MYH15: variants seen among roughly 807,000 people sequenced by gnomAD.
MYH15 encodes the protein myosin-15.
Under a neutral mutation model 240.5 loss-of-function variants are expected in MYH15, and 227 were observed. The ratio of observed to expected loss-of-function variants is 0.94; its 90% confidence interval spans 0.85 to 1.05. The LOEUF (loss-of-function observed/expected upper bound fraction) is 1.05, where lower values mean the gene tolerates loss of function less well. Ranked by LOEUF, MYH15 falls within the 50% of genes least tolerant of loss-of-function variation. MYH15 has a pLI of 0.00. For missense variants in MYH15, 2,217 were observed against 2,247.5 expected, an observed-to-expected ratio of 0.99 and a Z score of 0.27; for synonymous variants, 785 against 796.7, an observed-to-expected ratio of 0.99 and a Z score of 0.25.
Position 108,394,082 on chromosome 3 carries a change from C to T in MYH15, c.5208G>A (p.Val1736=). The T allele has an allele frequency of 6.2e-7, 1 of 1,614,140 alleles. No individual in the cohort carries two copies. Among genetic ancestry groups the T allele is most frequent in the South Asian group, 1.1e-5 (1 of 91,082 alleles). Reference sequence around the variant, plus strand: ...CTTCTGCATTTTGACACTCCTGCACCACCTCTTCAGCTTCTTTCTGCATCC... The same window carrying T: ...CTTCTGCATTTTGACACTCCTGCACTACCTCTTCAGCTTCTTTCTGCATCC... ...VARMQKEAEE[V]VQECQNAEEK... Residue 1736 remains valine, a synonymous_variant, in exon 36 of 41, where the codon GTG becomes GTA. Coordinates refer to ENST00000693548, the MANE Select transcript of MYH15 (RefSeq NM_014981.3).
At position 108,470,709 on chromosome 3, in the gene MYH15, C is replaced by T. The variant is rs1208029402; in HGVS notation, c.1372G>A (p.Glu458Lys). The T allele has an allele frequency of 6.2e-7, 1 of 1,613,506 alleles. No individual in the cohort carries two copies. The highest frequency in any genetic ancestry group is 8.5e-7 in the Non-Finnish European group (1 of 1,179,784). ...CCAGATACACTTACCTCAAGGATTT[C>T]AAAACCAGTGATGTCAAGAATGCCA... ...FIGILDITGFEILEYNSLEQL... is the reference protein window; with the variant it reads ...FIGILDITGFKILEYNSLEQL... Residue 458 changes from glutamate (E) to lysine (K), a missense_variant, in exon 13 of 41, where the codon GAA becomes AAA. Transcript: ENST00000693548.
upstream of MYH15, among the ~76,000 whole-genome samples, chr3:108,513,450 T>TAC (rs2083536096): frequency 6.6e-6 from 1 of 152,018 alleles, no homozygotes. Flanking sequence ...ATGCTGGGAG[T>TAC]ACCTCACTTC....
At chr3:108,533,246 G>A (rs988873031), upstream of MYH15, among the ~76,000 whole-genome samples, 2 of 150,410 alleles carry the variant, frequency 1.3e-5, no homozygotes, top group Admixed American at 6.7e-5. Flanking sequence ...AGAAGTTCAG[G>A]CAGAAGTGCA....
At chr3:108,447,348 G>A (rs542934612) in intron 21 of MYH15, among the ~76,000 whole-genome samples, 10 of 151,862 alleles carry the variant, frequency 6.6e-5, no homozygotes, top group Non-Finnish European at 8.8e-5. Flanking sequence ...AGAGGAAAAC[G>A]AACAACTAGA....
At chr3:108,441,334 A>G in intron 22 of MYH15, 74 bp from the exon 23 acceptor site, 1 of 1,545,556 alleles carries the variant, frequency 6.5e-7, no homozygotes, top group Non-Finnish European at 8.9e-7. Context: ...GCTGCTTAAC[A>G]CACAGCAAAG....
intron 33 of MYH15, among the ~76,000 whole-genome samples, chr3:108,404,218 C>T (rs2082529576): frequency 6.6e-6 from 1 of 152,060 alleles, no homozygotes; most frequent in Admixed American, 6.5e-5. Context: ...CCAAATTTGG[C>T]TTGACACCCT....
rs572175564 is a variant in MYH15, at chr3:108,506,626, C to T, written c.89-797G>A. ...GGGCCTGGGTGCAGTGGCTCATGTT[C>T]ATAATTCCAGAACTTTGGGAGGCCA... On this transcript the variant is annotated intron_variant, in intron 1 of 40. Transcript: ENST00000693548. 2.0e-5 allele frequency among the ~76,000 whole-genome samples: 3 copies of T among 152,136 alleles called. No homozygotes were observed. In the South Asian group the frequency reaches 6.2e-4, roughly 32 times the overall value.
chr3:108,499,623 T>C, intron 4 of MYH15, 141 bp from the exon 5 acceptor site: 2 of 804,954 alleles, frequency 2.5e-6, no homozygotes, highest in South Asian at 1.7e-5. Context: ...TAGAAAAACA[T>C]ACCCCTCAAA....
At chr3:108,467,494 A>G (rs990995445) in intron 14 of MYH15, among the ~76,000 whole-genome samples, 5 of 152,140 alleles carry the variant, frequency 3.3e-5, no homozygotes, top group Non-Finnish European at 5.9e-5. Context: ...CATGCTAGGT[A>G]GTATAGTTTG....
the MYH15 span, chr3:108,550,772 C>T: frequency 1.3e-5 from 2 of 151,814 alleles, no homozygotes; most frequent in Admixed American, 1.3e-4. Context: ...GACTGTTATA[C>T]CAAGAAAGTT....
At chr3:108,405,050 T>C (rs1344121205) in intron 33 of MYH15, 1 of 182,056 alleles carries the variant, frequency 5.5e-6, no homozygotes, top group Non-Finnish European at 1.1e-5. Flanking sequence ...AGCTCACCAC[T>C]ATTGATATAA....
Position 108,410,879 on chromosome 3 carries a change from T to C in MYH15, c.4199A>G (p.Asn1400Ser), listed in dbSNP as rs759468299. ...TCTCTCCAAGGAGGCATTTCTGGCA[T>C]TGGCCACCCCCATGGCTTCGGCTGC... ...QEAAEAMGVANARNASLERAR... is the reference protein window; with the variant it reads ...QEAAEAMGVASARNASLERAR... Residue 1400 changes from asparagine to serine, a missense_variant, in exon 31 of 41, where the codon AAT becomes AGT. Physicochemically the swap from Asn to Ser is conservative, Grantham distance 46 (BLOSUM62 1). Transcript: ENST00000693548. 9 of 1,611,648 alleles carry C rather than the reference T, an allele frequency of 5.6e-6. No homozygotes were observed. Among genetic ancestry groups the C allele is most frequent in the South Asian group, 5.5e-5 (5 of 91,030 alleles).
intron 33 of MYH15, among the ~76,000 whole-genome samples, chr3:108,401,253 A>G (rs2082502431): frequency 6.6e-6 from 1 of 152,230 alleles, no homozygotes; most frequent in South Asian, 2.1e-4. Context: ...TTAAGATTAA[A>G]TGAGGCTGTT....
chr3:108,421,138 T>G lies in MYH15; in HGVS notation c.3779A>C (p.Gln1260Pro). The G allele has an allele frequency of 6.2e-7, 1 of 1,614,168 alleles. No homozygotes were observed. Among genetic ancestry groups the G allele is most frequent in the South Asian group, 1.1e-5 (1 of 91,084 alleles). Residue 1260 changes from glutamine (Q) to proline (P), a missense_variant, in exon 28 of 41, where the codon CAG becomes CCG. Gln to Pro is a moderately conservative substitution (Grantham distance 76). Coordinates refer to ENST00000693548, the MANE Select transcript of MYH15 (RefSeq NM_014981.3). Reference sequence around the variant, plus strand: ...TTGTGCTGCCAGGTCATTTGCCAACTGAGTCACCTTATCTAGCTTTGCAGT... The same window carrying G: ...TTGTGCTGCCAGGTCATTTGCCAACGGAGTCACCTTATCTAGCTTTGCAGT... Reference protein sequence around the residue: ...EATAKLDKVTQLANDLAAQKT... With the variant: ...EATAKLDKVTPLANDLAAQKT...
Position 108,470,793 on chromosome 3 carries a change from A to T in MYH15, c.1288T>A (p.Trp430Arg). 6.2e-7 allele frequency: 1 copy of T among 1,613,910 alleles called. No individual in the cohort carries two copies. Among genetic ancestry groups the T allele is most frequent in the South Asian group, 1.1e-5 (1 of 91,068 alleles). Residue 430 changes from tryptophan to arginine, a missense_variant, in exon 13 of 41, where the codon TGG becomes AGG. Physicochemically the swap from Trp to Arg is moderately radical, Grantham distance 101. Coordinates refer to ENST00000693548, the MANE Select transcript of MYH15 (RefSeq NM_014981.3). ...SKSMYERMFK[W>R]LVARINRALD... ...GCCCTGTTGATCCGTGCCACTAGCC[A>T]CTTAAACATCCTTTCATACATTGAC... is the stretch of plus-strand genomic sequence containing the variant.
intron 32 of MYH15, among the ~76,000 whole-genome samples, chr3:108,407,775 C>T (rs749123877): frequency 4.8e-4 from 73 of 152,338 alleles, no homozygotes; most frequent in Admixed American, 1.2e-3. Context: ...ATTCATTCAA[C>T]ATTTGACAAA....
intron 38 of MYH15, among the ~76,000 whole-genome samples, chr3:108,387,843 C>T (rs1193885499): frequency 6.6e-6 from 1 of 152,216 alleles, no homozygotes; most frequent in African/African-American, 2.4e-5. Context: ...AAGAGCTGTG[C>T]AAGTAGCTTG....
intron 1 of MYH15, among the ~76,000 whole-genome samples, chr3:108,508,039 T>C (rs2083491556): frequency 6.6e-6 from 1 of 152,124 alleles, no homozygotes; most frequent in African/African-American, 2.4e-5. Context: ...GGGAGAGAGA[T>C]GAAGAGAGTT....
chr3:108,531,474 C>T (rs1052583494), upstream of MYH15, among the ~76,000 whole-genome samples: 19 of 152,092 alleles, frequency 1.2e-4, no homozygotes, highest in African/African-American at 4.1e-4. Context: ...TGCAGCAGGT[C>T]TCCAAGGTCA....
Sources: allele counts gnomAD v4.1 joint callset (sites outside exome capture counted in the v4.1 genomes callset), GRCh38; gene constraint gnomAD v4.1.1; transcripts MANE v1.5; gene names NCBI Gene and HGNC (gene_info 2026-07-23, HGNC 2026-07-21).